The following PLCB1 variants were observed in gnomAD, a reference collection of about 807,000 sequenced individuals.
PLCB1 encodes the protein 1-phosphatidylinositol 4,5-bisphosphate phosphodiesterase beta-1.
In PLCB1, 46 loss-of-function variants were observed where a neutral mutation model predicts 161.8. The observed-to-expected ratio is 0.28, with a 90% CI of 0.22 to 0.36. The LOEUF is 0.36. Among genes scored for constraint, PLCB1 ranks in the 10% least tolerant of loss-of-function variants. The pLI, the probability that PLCB1 is intolerant of heterozygous loss-of-function variation, is 1.00. For missense variants in PLCB1, 1,016 were observed against 1,472.5 expected, an observed-to-expected ratio of 0.69 and a Z score of 5.07; for synonymous variants, 517 against 503.7, an observed-to-expected ratio of 1.03 and a Z score of -0.35.
At chr20:8,343,657 A>C (rs1370225998) in intron 2 of PLCB1, among the ~76,000 whole-genome samples, 2 of 152,306 alleles carry the variant, frequency 1.3e-5, no homozygotes, top group Non-Finnish European at 2.9e-5. Context: ...TGTAACACAC[A>C]GTTAGGTATA....
intron 31 of PLCB1, among the ~76,000 whole-genome samples, chr20:8,849,861 A>T (rs1986827945): frequency 6.6e-6 from 1 of 151,140 alleles, no homozygotes. Context: ...AAAAATACAA[A>T]AATTAGCTGG....
At chr20:8,425,212 G>T (rs1979704240) in intron 3 of PLCB1, among the ~76,000 whole-genome samples, 1 of 151,696 alleles carries the variant, frequency 6.6e-6, no homozygotes, top group Non-Finnish European at 1.5e-5. Flanking sequence ...ACCAATCAGA[G>T]GCTAGGGTGA....
At chr20:8,518,844 G>C (rs1984239616) in intron 3 of PLCB1, among the ~76,000 whole-genome samples, 1 of 151,822 alleles carries the variant, frequency 6.6e-6, no homozygotes, top group African/African-American at 2.4e-5. Flanking sequence ...GCAACTAGAT[G>C]GTCCCATCTG....
chr20:8,585,800 T>C (rs1600171042), intron 3 of PLCB1, among the ~76,000 whole-genome samples: 2 of 152,320 alleles, frequency 1.3e-5, no homozygotes, highest in East Asian at 3.9e-4. Context: ...AATAGTATCT[T>C]TTTATAAACT....
chr20:8,705,475 A>G (rs1978619324), intron 11 of PLCB1, among the ~76,000 whole-genome samples: 1 of 152,238 alleles, frequency 6.6e-6, no homozygotes, highest in Non-Finnish European at 1.5e-5. Context: ...CTAGTGAGGA[A>G]AGATAGATCA....
intron 3 of PLCB1, among the ~76,000 whole-genome samples, chr20:8,374,749 G>A (rs916585055): frequency 6.6e-6 from 1 of 152,192 alleles, no homozygotes; most frequent in Non-Finnish European, 1.5e-5. Flanking sequence ...GGACAGAAAG[G>A]CAATGTAACA....
At chr20:8,664,351 G>A (rs1490398602) in intron 9 of PLCB1, among the ~76,000 whole-genome samples, 3 of 151,962 alleles carry the variant, frequency 2.0e-5, no homozygotes, top group South Asian at 2.1e-4. Context: ...TTATAATGGC[G>A]AAGCAATTTG....
intron 3 of PLCB1, among the ~76,000 whole-genome samples, chr20:8,601,090 C>A (rs144379240): frequency 5.9e-5 from 9 of 152,044 alleles, no homozygotes; most frequent in Non-Finnish European, 1.0e-4. Flanking sequence ...AGCTGTAGAC[C>A]GGAGCTGTTC....
intron 3 of PLCB1, among the ~76,000 whole-genome samples, chr20:8,614,209 C>T (rs183198513): frequency 5.3e-5 from 8 of 152,072 alleles, no homozygotes; most frequent in Admixed American, 1.3e-4. Flanking sequence ...AAAAAATTGT[C>T]AATAACCCAT....
chr20:8,235,672 A>G (rs1381637549), intron 2 of PLCB1, among the ~76,000 whole-genome samples: 1 of 152,094 alleles, frequency 6.6e-6, no homozygotes, highest in Non-Finnish European at 1.5e-5. Flanking sequence ...AAATATTAGA[A>G]TTGTCATTTT....
intron 3 of PLCB1, among the ~76,000 whole-genome samples, chr20:8,396,574 C>T (rs1300841831): frequency 6.6e-6 from 1 of 151,952 alleles, no homozygotes; most frequent in Non-Finnish European, 1.5e-5. Context: ...TTGCTCAGTC[C>T]AGTTGAAAAA....
chr20:8,590,938 G>C (rs1444217945), intron 3 of PLCB1, among the ~76,000 whole-genome samples: 2 of 152,002 alleles, frequency 1.3e-5, no homozygotes, highest in Non-Finnish European at 2.9e-5. Flanking sequence ...ATTAAGCCCA[G>C]CATGCATTAG....
At chr20:8,830,491 T>C (rs1240184779) in intron 31 of PLCB1, among the ~76,000 whole-genome samples, 1 of 152,174 alleles carries the variant, frequency 6.6e-6, no homozygotes, top group Non-Finnish European at 1.5e-5. Flanking sequence ...GAAATGGCAA[T>C]ATTCTGCTTT....
chr20:8,733,412 A>G lies in PLCB1; in HGVS notation c.2043+20A>G. On this transcript the variant is annotated intron_variant, in intron 19 of 31. Transcript: ENST00000338037. ...GTTAAGGTAGGTATACCCCATCACA[A>G]AATTGTTCCTAACAATAGTGTTGAA... 6.2e-7 allele frequency: 1 copy of G among 1,608,702 alleles called. No individual in the cohort carries two copies. The highest frequency in any genetic ancestry group is 1.1e-5 in the South Asian group (1 of 90,934).
chr20:8,341,468 A>G (rs944409348), intron 2 of PLCB1, among the ~76,000 whole-genome samples: 5 of 152,008 alleles, frequency 3.3e-5, no homozygotes, highest in Admixed American at 6.6e-5. Context: ...TTCTTTTTTG[A>G]AAGGTGCTCT....
At chr20:8,727,467 T>C in intron 17 of PLCB1, 74 bp downstream of exon 17, 1 of 853,052 alleles carries the variant, frequency 1.2e-6, no homozygotes, top group South Asian at 1.5e-5. Context: ...TTTGGTTTTT[T>C]AATAAGGAGA....
At chr20:8,534,041 A>G (rs968813058) in intron 3 of PLCB1, among the ~76,000 whole-genome samples, 2 of 152,066 alleles carry the variant, frequency 1.3e-5, no homozygotes, top group South Asian at 2.1e-4. Flanking sequence ...TAATTTTTGT[A>G]TAAGGTGTAA....
chr20:8,808,211 G>T (rs763328949), intron 31 of PLCB1, among the ~76,000 whole-genome samples: 10 of 152,230 alleles, frequency 6.6e-5, no homozygotes, highest in Non-Finnish European at 1.3e-4. Flanking sequence ...TTCAGCAACA[G>T]AAATTTATTT....
chr20:8,580,567 A>C (rs1986802749), intron 3 of PLCB1, among the ~76,000 whole-genome samples: 1 of 150,044 alleles, frequency 6.7e-6, no homozygotes, highest in South Asian at 2.3e-4. Context: ...AATTTGTGGA[A>C]TTTTTGCAGG....
Sources: allele counts gnomAD v4.1 joint callset (sites outside exome capture counted in the v4.1 genomes callset), GRCh38; gene constraint gnomAD v4.1.1; transcripts MANE v1.5; gene names NCBI Gene and HGNC (gene_info 2026-07-23, HGNC 2026-07-21).